SOX6: variants seen among roughly 807,000 people sequenced by gnomAD.
SOX6 encodes transcription factor SOX-6.
SOX6 carries 11 observed loss-of-function variants against 97.8 expected under a neutral mutation model. The ratio of observed to expected loss-of-function variants is 0.11; its 90% CI spans 0.07 to 0.19. The LOEUF (loss-of-function observed/expected upper bound fraction) is 0.19, where lower values mean the gene tolerates loss of function less well. Among genes scored for constraint, SOX6 ranks in the 10% least tolerant of loss-of-function variants. SOX6 has a pLI of 1.00. For missense variants in SOX6, 810 were observed against 1,039.5 expected (o/e 0.78, Z 3.04); for synonymous variants, 360 against 371.4 (o/e 0.97, Z 0.35).
chr11:16,153,317 T>A (rs1850508030), intron 6 of SOX6, among the ~76,000 whole-genome samples: 1 of 152,160 alleles, frequency 6.6e-6, no homozygotes, highest in African/African-American at 2.4e-5. Flanking sequence ...CTAGAGTTAC[T>A]TTTTTAAGGA....
intron 1 of SOX6, among the ~76,000 whole-genome samples, chr11:16,426,584 T>G (rs969464455): frequency 6.6e-6 from 1 of 152,104 alleles, no homozygotes; most frequent in African/African-American, 2.4e-5. Flanking sequence ...TAAATGGTGC[T>G]GGCATAACTG....
At position 16,733,083 on chromosome 11, in the gene SOX6, G is replaced by A. The variant is rs527821858; in HGVS notation, n.353+3256C>T. Among the ~76,000 whole-genome samples the A allele has an allele frequency of 2.0e-4, 30 of 152,316 alleles. No homozygotes were observed. In the South Asian group the frequency reaches 6.0e-3, roughly 31 times the overall value. Reference sequence around the variant, plus strand: ...ATTAAAAAGTCAAGAAACAACAGATGCTGGATAGAATGTGGAGAAATAGGA... The same window carrying A: ...ATTAAAAAGTCAAGAAACAACAGATACTGGATAGAATGTGGAGAAATAGGA... On this transcript the variant is annotated intron_variant and non_coding_transcript_variant, in intron 2 of 5. Coordinates refer to the SOX6 transcript ENST00000524520.
At chr11:16,540,192 T>C (rs1056256762) in intron 4 of SOX6, among the ~76,000 whole-genome samples, 7 of 152,112 alleles carry the variant, frequency 4.6e-5, no homozygotes, top group African/African-American at 9.6e-5. Flanking sequence ...ACATAATCCA[T>C]GACATAAACA....
intron 4 of SOX6, among the ~76,000 whole-genome samples, chr11:16,503,113 G>C (rs1233255408): frequency 1.3e-5 from 2 of 152,040 alleles, no homozygotes; most frequent in African/African-American, 4.8e-5. Flanking sequence ...ACCCAGCAAA[G>C]TTATCCTTCA....
At chr11:16,604,930 G>C (rs961822979) in intron 4 of SOX6, among the ~76,000 whole-genome samples, 1 of 152,124 alleles carries the variant, frequency 6.6e-6, no homozygotes, top group Non-Finnish European at 1.5e-5. Context: ...GAAGCAGCCC[G>C]GCACCGAGCT....
chr11:16,461,256 T>TCTTTTAC (rs1404748060), intron 1 of SOX6, among the ~76,000 whole-genome samples: 1 of 152,120 alleles, frequency 6.6e-6, no homozygotes, highest in African/African-American at 2.4e-5. Context: ...CTTGTTTAAA[T>TCTTTTAC]CTTTTACCTT....
At chr11:16,148,229 T>G (rs1237603098) in intron 6 of SOX6, among the ~76,000 whole-genome samples, 1 of 152,122 alleles carries the variant, frequency 6.6e-6, no homozygotes, top group African/African-American at 2.4e-5. Flanking sequence ...ACCCATAGCC[T>G]TTTTTTATTC....
At chr11:16,475,974 A>C (rs1716401070) in intron 1 of SOX6, among the ~76,000 whole-genome samples, 1 of 152,186 alleles carries the variant, frequency 6.6e-6, no homozygotes, top group Admixed American at 6.5e-5. Flanking sequence ...AGAAGTTATC[A>C]GTGTAAATTA....
chr11:16,516,609 T>C (rs1367368786), intron 4 of SOX6, among the ~76,000 whole-genome samples: 14 of 151,040 alleles, frequency 9.3e-5, no homozygotes, highest in South Asian at 8.4e-4. Flanking sequence ...ACACATACAC[T>C]CTCCCAAGAC....
chr11:16,089,493 A>G (rs191382990), intron 9 of SOX6, among the ~76,000 whole-genome samples: 2 of 152,258 alleles, frequency 1.3e-5, no homozygotes, highest in East Asian at 3.9e-4. Flanking sequence ...ATGCCATTTA[A>G]GCTTGGGAAG....
intron 6 of SOX6, among the ~76,000 whole-genome samples, chr11:16,124,741 T>C (rs187830198): frequency 2.6e-4 from 40 of 152,166 alleles, no homozygotes; most frequent in African/African-American, 9.6e-4. Flanking sequence ...CTTAGTGTGA[T>C]GGAAAGTCAC....
At chr11:16,378,096 T>C (rs1205030120) in intron 1 of SOX6, among the ~76,000 whole-genome samples, 1 of 152,188 alleles carries the variant, frequency 6.6e-6, no homozygotes, top group Non-Finnish European at 1.5e-5. Context: ...TTACTCATGA[T>C]AGAGAAAACA....
intron 4 of SOX6, among the ~76,000 whole-genome samples, chr11:16,228,936 G>C (rs1186228106): frequency 6.6e-6 from 1 of 152,094 alleles, no homozygotes; most frequent in Non-Finnish European, 1.5e-5. Context: ...AATTTTATGA[G>C]AAACCACTGG....
At chr11:16,386,256 A>T (rs188742941) in intron 1 of SOX6, among the ~76,000 whole-genome samples, 1 of 152,044 alleles carries the variant, frequency 6.6e-6, no homozygotes, top group South Asian at 2.1e-4. Context: ...ATTTTACCTT[A>T]ATGCAGGAAA....
At chr11:16,527,837 A>G (rs1861190313) in intron 4 of SOX6, among the ~76,000 whole-genome samples, 1 of 152,124 alleles carries the variant, frequency 6.6e-6, no homozygotes, top group Non-Finnish European at 1.5e-5. Flanking sequence ...TGAAAAATAA[A>G]TGTCTGTCGT....
intron 3 of SOX6, among the ~76,000 whole-genome samples, chr11:16,710,328 C>A (rs906279870): frequency 1.3e-5 from 2 of 152,112 alleles, no homozygotes; most frequent in East Asian, 3.9e-4. Flanking sequence ...CTTAGAATAA[C>A]CCCACGTGAG....
At chr11:16,731,419 T>C (rs535553025) in intron 2 of SOX6, among the ~76,000 whole-genome samples, 2 of 152,224 alleles carry the variant, frequency 1.3e-5, no homozygotes, top group Non-Finnish European at 2.9e-5. Context: ...AGCTTCATCC[T>C]GGGATGCAAG....
At chr11:16,213,828 T>A (rs1471132519) in intron 4 of SOX6, among the ~76,000 whole-genome samples, 1 of 152,196 alleles carries the variant, frequency 6.6e-6, no homozygotes, top group Non-Finnish European at 1.5e-5. Flanking sequence ...ATAGAATTCT[T>A]CCATCAAAAT....
chr11:16,317,789 A>G (rs1406074882), intron 3 of SOX6: 2 of 202,990 alleles, frequency 9.9e-6, no homozygotes, highest in Non-Finnish European at 2.1e-5. Flanking sequence ...AGTGCAACAT[A>G]GTATAACCAT....
Sources: allele counts gnomAD v4.1 joint callset (sites outside exome capture counted in the v4.1 genomes callset), GRCh38; gene constraint gnomAD v4.1.1; transcripts MANE v1.5; gene names NCBI Gene and HGNC (gene_info 2026-07-23, HGNC 2026-07-21).